RANBP17: variants seen among roughly 807,000 people sequenced by gnomAD.
RANBP17 encodes the protein ran-binding protein 17.
A neutral mutation model predicts 141.2 loss-of-function variants in RANBP17; 158 were observed. The ratio of observed to expected loss-of-function variants is 1.12; its 90% CI spans 0.98 to 1.28. The LOEUF (loss-of-function observed/expected upper bound fraction) is 1.28, where lower values mean the gene tolerates loss of function less well. Among genes scored for constraint, RANBP17 ranks in the 50% most tolerant of loss-of-function variants. The pLI, the probability that RANBP17 is intolerant of heterozygous loss-of-function variation, is 0.00. For synonymous variants in RANBP17, 430 were observed against 450.0 expected (o/e 0.96, Z 0.56); for missense variants, 1,438 against 1,290.7 (o/e 1.11, Z -1.75).
chr5:170,974,025 C>A (rs979682425), intron 14 of RANBP17, among the ~76,000 whole-genome samples: 1 of 152,192 alleles, frequency 6.6e-6, no homozygotes, highest in African/African-American at 2.4e-5. Context: ...TAGCATTTCA[C>A]ATTTGCCCCA....
At chr5:171,048,100 A>T (rs934816928) in intron 14 of RANBP17, among the ~76,000 whole-genome samples, 2 of 152,118 alleles carry the variant, frequency 1.3e-5, no homozygotes, top group Non-Finnish European at 2.9e-5. Flanking sequence ...ATTGAGATAG[A>T]GTCTCATCCT....
intron 14 of RANBP17, among the ~76,000 whole-genome samples, chr5:171,058,270 C>A (rs1783546107): frequency 6.6e-6 from 1 of 150,624 alleles, no homozygotes; most frequent in Non-Finnish European, 1.5e-5. Context: ...ATTAACTCAT[C>A]ATTTAGCATT....
At chr5:171,108,728 C>G (rs368182772) in intron 14 of RANBP17, among the ~76,000 whole-genome samples, 18 of 152,200 alleles carry the variant, frequency 1.2e-4, no homozygotes, top group Admixed American at 5.9e-4. Flanking sequence ...ATTTTTGTGT[C>G]TTCTTTTTCT....
intron 13 of RANBP17, among the ~76,000 whole-genome samples, chr5:170,956,641 G>C (rs938530772): frequency 1.3e-5 from 2 of 151,772 alleles, no homozygotes; most frequent in Non-Finnish European, 2.9e-5. Context: ...GCAGAGATGG[G>C]GTTTCTCCAT....
At chr5:170,882,606 T>G (rs1007969377) in intron 3 of RANBP17, among the ~76,000 whole-genome samples, 1 of 152,144 alleles carries the variant, frequency 6.6e-6, no homozygotes, top group African/African-American at 2.4e-5. Flanking sequence ...AGTCCAGGCT[T>G]TTAGTCATTA....
intron 23 of RANBP17, 26 bp from the exon 24 acceptor site, chr5:171,242,656 A>C: frequency 6.2e-7 from 1 of 1,604,052 alleles, no homozygotes; most frequent in Non-Finnish European, 8.5e-7. Flanking sequence ...CTGTGGCTTG[A>C]CATTTAGTAT....
intron 12 of RANBP17, among the ~76,000 whole-genome samples, chr5:170,939,880 G>A (rs887467208): frequency 3.3e-5 from 5 of 152,070 alleles, no homozygotes; most frequent in African/African-American, 1.2e-4. Context: ...CACTTCAAGG[G>A]TAACAACTAA....
At chr5:171,131,062 A>G (rs1270152588) in intron 14 of RANBP17, among the ~76,000 whole-genome samples, 2 of 152,200 alleles carry the variant, frequency 1.3e-5, no homozygotes, top group African/African-American at 2.4e-5. Context: ...TTGGGTTCAC[A>G]TATGGTTCTG....
intron 4 of RANBP17, among the ~76,000 whole-genome samples, chr5:170,892,984 G>A (rs1769779149): frequency 6.6e-6 from 1 of 152,018 alleles, no homozygotes. Context: ...CATACAGCTA[G>A]CATTTAATAA....
chr5:171,095,785 A>T (rs1786644411), intron 14 of RANBP17, among the ~76,000 whole-genome samples: 1 of 152,136 alleles, frequency 6.6e-6, no homozygotes, highest in Non-Finnish European at 1.5e-5. Flanking sequence ...CACAGTCAAA[A>T]ATCTGAGCGT....
chr5:171,179,852 G>A (rs1457897370), intron 16 of RANBP17, among the ~76,000 whole-genome samples: 1 of 152,092 alleles, frequency 6.6e-6, no homozygotes, highest in Non-Finnish European at 1.5e-5. Context: ...GTCATACTTG[G>A]TGTTACTGTG....
chr5:171,116,909 A>T (rs1174640765), intron 14 of RANBP17, among the ~76,000 whole-genome samples: 1 of 152,200 alleles, frequency 6.6e-6, no homozygotes, highest in African/African-American at 2.4e-5. Context: ...GAGTGAGAAC[A>T]TGCAGTGTTT....
At chr5:171,175,169 T>C (rs1760363423) in intron 16 of RANBP17, among the ~76,000 whole-genome samples, 2 of 152,208 alleles carry the variant, frequency 1.3e-5, no homozygotes, top group Non-Finnish European at 2.9e-5. Flanking sequence ...ATGGTGTATA[T>C]GTGGCACATT....
At chr5:171,026,206 C>T (rs1781220485) in intron 14 of RANBP17, among the ~76,000 whole-genome samples, 1 of 152,114 alleles carries the variant, frequency 6.6e-6, no homozygotes, top group South Asian at 2.1e-4. Flanking sequence ...TGAGAAACTC[C>T]CATGTGCTTG....
chr5:171,007,099 G>A (rs200340982), intron 14 of RANBP17, among the ~76,000 whole-genome samples: 1 of 152,096 alleles, frequency 6.6e-6, no homozygotes, highest in East Asian at 1.9e-4. Context: ...GTTCATCTGG[G>A]GAAAGGGTAG....
chr5:171,051,721 G>A (rs1348038949), intron 14 of RANBP17, among the ~76,000 whole-genome samples: 1 of 152,064 alleles, frequency 6.6e-6, no homozygotes, highest in Non-Finnish European at 1.5e-5. Flanking sequence ...GTTACCATGT[G>A]GACATATATT....
chr5:170,978,330 C>T (rs777698330), intron 14 of RANBP17, among the ~76,000 whole-genome samples: 3 of 152,086 alleles, frequency 2.0e-5, no homozygotes, highest in Non-Finnish European at 4.4e-5. Context: ...CCTTATGACT[C>T]ATCAGCTCTA....
chr5:170,939,991 A>G (rs1467063655), intron 12 of RANBP17, among the ~76,000 whole-genome samples: 1 of 152,204 alleles, frequency 6.6e-6, no homozygotes. Context: ...CAAGAAAGGA[A>G]AATAACCAGA....
intron 13 of RANBP17, among the ~76,000 whole-genome samples, chr5:170,966,760 G>C (rs1367718924): frequency 1.3e-5 from 2 of 152,084 alleles, no homozygotes; most frequent in East Asian, 3.9e-4. Flanking sequence ...AATTGTCCCT[G>C]TTTGCAGATG....
Sources: gnomAD v4.1 joint callset for allele counts (sites outside exome capture counted in the v4.1 genomes callset) on GRCh38, gnomAD v4.1.1 for gene constraint, MANE v1.5 for transcripts, NCBI Gene and HGNC (gene_info 2026-07-23, HGNC 2026-07-21) for gene names.